Variants in MSI2 observed in about 807,000 individuals in gnomAD.
The protein encoded by MSI2 is musashi RNA binding protein 2, also known as RNA-binding protein Musashi homolog 2.
MSI2 carries 17 observed loss-of-function variants against 45.6 expected under a neutral mutation model. The ratio of observed to expected loss-of-function variants is 0.37; its 90% CI spans 0.26 to 0.56. The LOEUF (loss-of-function observed/expected upper bound fraction) is 0.56. MSI2 is among the 20% of genes least tolerant of loss of function. The pLI is 0.77. For synonymous variants in MSI2, 156 were observed against 158.2 expected, an observed-to-expected ratio of 0.99 and a Z score of 0.11; for missense variants, 293 against 444.2, an observed-to-expected ratio of 0.66 and a Z score of 3.06.
chr17:57,548,543 T>C (rs188320172), intron 7 of MSI2, among the ~76,000 whole-genome samples: 26 of 152,258 alleles, frequency 1.7e-4, no homozygotes, highest in Admixed American at 2.0e-4. Context: ...TCCGGGCCTC[T>C]AGGGAGCCTT....
chr17:57,691,198 CTCATCTATCTATCT>C, the MSI2 span, among the ~76,000 whole-genome samples: 2 of 118,860 alleles, frequency 1.7e-5, no homozygotes, highest in Non-Finnish European at 3.5e-5. Context: ...CTCTCTCTCT[CTCATCTATCTATCT>C]ATCTATCTAT....
chr17:57,520,693 G>A (rs764430118), intron 6 of MSI2, among the ~76,000 whole-genome samples: 6 of 152,020 alleles, frequency 3.9e-5, no homozygotes, highest in Non-Finnish European at 8.8e-5. Flanking sequence ...TTGCTCTGTC[G>A]CCCAGGCTGG....
rs142134575 is a variant in MSI2, at chr17:57,508,935, A to G, written c.406-20741A>G. Among the ~76,000 whole-genome samples, 855 of 152,310 alleles carry G rather than the reference A, an allele frequency of 5.6e-3. 7 individuals carry two copies. The highest frequency in any genetic ancestry group is 0.019 in the African/African-American group (789 of 41,570). ...CATTAGAATAGAGTCCTCAAGTCCT[A>G]AAGTACAGTGTCATCTTCGATGAAA... On this transcript the variant is annotated intron_variant, in intron 6 of 13. Coordinates refer to ENST00000284073, the MANE Select transcript of MSI2 (RefSeq NM_138962.4).
chr17:57,385,528 G>A (rs1382796486), intron 5 of MSI2, among the ~76,000 whole-genome samples: 2 of 152,164 alleles, frequency 1.3e-5, no homozygotes, highest in African/African-American at 4.8e-5. Flanking sequence ...GCACATGCCT[G>A]TAATCCCAGC....
chr17:57,493,683 C>T (rs118085729), intron 6 of MSI2, among the ~76,000 whole-genome samples: 3 of 150,784 alleles, frequency 2.0e-5, no homozygotes, highest in South Asian at 4.2e-4. Context: ...CTCCTAGTCA[C>T]GAGAAGGAGT....
intron 5 of MSI2, chr17:57,267,052 G>T (rs1907860488): frequency 6.6e-6 from 1 of 152,456 alleles, no homozygotes; most frequent in Non-Finnish European, 1.5e-5. Flanking sequence ...CTTCTCAAGG[G>T]CGAAGGGTGA....
intron 5 of MSI2, among the ~76,000 whole-genome samples, chr17:57,330,069 C>T (rs545064098): frequency 2.4e-4 from 36 of 151,646 alleles, no homozygotes; most frequent in Non-Finnish European, 4.0e-4. Flanking sequence ...TAATGACTTG[C>T]GAGGGCGGAT....
At chr17:57,422,600 G>T (rs1485737699) in intron 6 of MSI2, among the ~76,000 whole-genome samples, 1 of 152,228 alleles carries the variant, frequency 6.6e-6, no homozygotes, top group Non-Finnish European at 1.5e-5. Context: ...GACAGAGAGA[G>T]CGCTCAGTCC....
At chr17:57,425,131 G>A (rs74417062) in intron 6 of MSI2, among the ~76,000 whole-genome samples, 9,578 of 152,110 alleles carry the variant, frequency 0.063, 491 homozygotes, top group African/African-American at 0.14. Context: ...AATCCTGCCC[G>A]GTATCCTGAA....
intron 5 of MSI2, among the ~76,000 whole-genome samples, chr17:57,391,392 A>C (rs1218499803): frequency 2.0e-5 from 3 of 152,174 alleles, no homozygotes; most frequent in Non-Finnish European, 4.4e-5. Context: ...CGGAACTGTT[A>C]GGAGACTTGA....
chr17:57,287,186 C>T (rs1909982181), intron 5 of MSI2, among the ~76,000 whole-genome samples: 1 of 150,904 alleles, frequency 6.6e-6, no homozygotes, highest in South Asian at 2.1e-4. Context: ...TTCTGAGGGC[C>T]CCGTGAGCCC....
chr17:57,517,085 G>T (rs1480083807), intron 6 of MSI2, among the ~76,000 whole-genome samples: 2 of 152,232 alleles, frequency 1.3e-5, no homozygotes, highest in African/African-American at 4.8e-5. Flanking sequence ...TTTGAAGACA[G>T]TTTCGGAATT....
At chr17:57,547,925 T>C (rs1317423241) in intron 7 of MSI2, among the ~76,000 whole-genome samples, 1 of 152,160 alleles carries the variant, frequency 6.6e-6, no homozygotes, top group Non-Finnish European at 1.5e-5. Context: ...AGGGTGGTTG[T>C]TTGGTCCCTA....
chr17:57,522,035 C>A (rs1229870325), intron 6 of MSI2, among the ~76,000 whole-genome samples: 1 of 152,180 alleles, frequency 6.6e-6, no homozygotes, highest in Non-Finnish European at 1.5e-5. Flanking sequence ...TTGGGTTTTG[C>A]CTAAGCTGGC....
chr17:57,588,854 G>C (rs1431125480), intron 7 of MSI2, among the ~76,000 whole-genome samples: 2 of 152,192 alleles, frequency 1.3e-5, no homozygotes, highest in African/African-American at 4.8e-5. Context: ...ATATGAAGAA[G>C]GTGGGCTGCA....
chr17:57,517,326 G>T (rs879714500), intron 6 of MSI2, among the ~76,000 whole-genome samples: 11 of 152,144 alleles, frequency 7.2e-5, no homozygotes, highest in Non-Finnish European at 1.5e-4. Context: ...GAAACTCTGG[G>T]GCTGAGTGGT....
At chr17:57,397,132 C>G (rs776699103) in intron 5 of MSI2, among the ~76,000 whole-genome samples, 4 of 152,168 alleles carry the variant, frequency 2.6e-5, no homozygotes, top group East Asian at 3.9e-4. Context: ...GTGGCTGCTT[C>G]CCTGTACCCT....
intron 5 of MSI2, among the ~76,000 whole-genome samples, chr17:57,349,565 G>A (rs561285651): frequency 4.7e-4 from 72 of 152,220 alleles, no homozygotes; most frequent in African/African-American, 1.7e-3. Flanking sequence ...AGAAAGATGA[G>A]GAAAAATGAA....
At chr17:57,643,716 A>G (rs1252353226) in intron 10 of MSI2, among the ~76,000 whole-genome samples, 2 of 152,246 alleles carry the variant, frequency 1.3e-5, no homozygotes, top group African/African-American at 2.4e-5. Context: ...TGACATTGCG[A>G]TGCACCTTCC....
Sources: gnomAD v4.1 joint callset for allele counts (sites outside exome capture counted in the v4.1 genomes callset) on GRCh38, gnomAD v4.1.1 for gene constraint, MANE v1.5 for transcripts, NCBI Gene and HGNC (gene_info 2026-07-23, HGNC 2026-07-21) for gene names.